Variants in STON2 observed in about 807,000 individuals in gnomAD.
STON2 encodes the protein stonin-2.
Under a neutral mutation model 65.7 loss-of-function variants are expected in STON2, and 29 were observed. The observed-to-expected ratio is 0.44, with a 90% CI of 0.33 to 0.60. The LOEUF (loss-of-function observed/expected upper bound fraction) is 0.60. STON2 is among the 20% of genes least tolerant of loss of function. STON2 has a pLI of 0.03. For synonymous variants in STON2, 404 were observed against 414.2 expected, an observed-to-expected ratio of 0.98 and a Z score of 0.30; for missense variants, 1,054 against 1,118.1, an observed-to-expected ratio of 0.94 and a Z score of 0.82.
At chr14:81,338,906 C>T (rs912970928) in intron 4 of STON2, among the ~76,000 whole-genome samples, 3 of 152,166 alleles carry the variant, frequency 2.0e-5, no homozygotes, top group Non-Finnish European at 2.9e-5. Context: ...CCTGGAGGTG[C>T]TGGCAATTGA....
At chr14:81,276,472 T>A (rs139507283) in intron 6 of STON2, among the ~76,000 whole-genome samples, 53 of 152,278 alleles carry the variant, frequency 3.5e-4, no homozygotes, top group African/African-American at 1.2e-3. Flanking sequence ...AACCTCTCAG[T>A]GTATTGTCCA....
chr14:81,270,989 C>G, intron 6 of STON2, 117 bp from the exon 7 acceptor site: 1 of 1,371,296 alleles, frequency 7.3e-7, no homozygotes, highest in Non-Finnish European at 9.6e-7. Context: ...GGCAGCCTTT[C>G]AGAGGGTCCA....
upstream of STON2, among the ~76,000 whole-genome samples, chr14:81,404,129 A>T (rs1456118571): frequency 6.6e-6 from 1 of 152,220 alleles, no homozygotes; most frequent in Non-Finnish European, 1.5e-5. Flanking sequence ...TGTTTTAGGA[A>T]GGTTAATTTA....
intron 4 of STON2, among the ~76,000 whole-genome samples, chr14:81,329,053 G>A (rs191825278): frequency 1.3e-3 from 202 of 152,236 alleles, no homozygotes; most frequent in African/African-American, 4.6e-3. Context: ...TCCCCAGAAC[G>A]TACGAATGTG....
intron 5 of STON2, among the ~76,000 whole-genome samples, chr14:81,289,840 G>A (rs1210163088): frequency 6.6e-6 from 1 of 152,136 alleles, no homozygotes; most frequent in Non-Finnish European, 1.5e-5. Context: ...GTTGGCCAGG[G>A]TTTGTGGGAC....
At chr14:81,295,096 G>C (rs1035594653) in intron 5 of STON2, among the ~76,000 whole-genome samples, 2 of 152,134 alleles carry the variant, frequency 1.3e-5, no homozygotes, top group Non-Finnish European at 1.5e-5. Flanking sequence ...AGGCCGAGGT[G>C]GGCGGATCAC....
intron 3 of STON2, among the ~76,000 whole-genome samples, chr14:81,379,996 G>A (rs1042529759): frequency 6.6e-6 from 1 of 152,086 alleles, no homozygotes; most frequent in African/African-American, 2.4e-5. Context: ...TTGAGAAGTG[G>A]GACCTAATTA....
chr14:81,429,655 C>G (rs901522703), intron 1 of STON2, among the ~76,000 whole-genome samples: 9 of 152,144 alleles, frequency 5.9e-5, no homozygotes, highest in African/African-American at 2.2e-4. Flanking sequence ...TCATCTAGGT[C>G]GGGCATGATG....
At chr14:81,349,967 A>C (rs1897962194) in intron 4 of STON2, among the ~76,000 whole-genome samples, 2 of 152,176 alleles carry the variant, frequency 1.3e-5, no homozygotes, top group Admixed American at 1.3e-4. Context: ...TAAGTGAAAT[A>C]AGATAGGCAC....
chr14:81,330,702 T>C (rs1897180588), intron 4 of STON2, among the ~76,000 whole-genome samples: 1 of 152,194 alleles, frequency 6.6e-6, no homozygotes, highest in East Asian at 1.9e-4. Flanking sequence ...TAGCACTTAA[T>C]TGGTGGCTAA....
At chr14:81,386,060 G>A (rs974333297) in intron 3 of STON2, among the ~76,000 whole-genome samples, 1 of 152,150 alleles carries the variant, frequency 6.6e-6, no homozygotes, top group Admixed American at 6.6e-5. Flanking sequence ...GAGAGGCAGT[G>A]CAATTACAGC....
intron 3 of STON2, among the ~76,000 whole-genome samples, chr14:81,394,086 G>A (rs1480531636): frequency 6.6e-6 from 1 of 152,072 alleles, no homozygotes; most frequent in Non-Finnish European, 1.5e-5. Flanking sequence ...AGCTACTCAG[G>A]AGGCTGAGAC....
rs1894249686 is a variant in STON2 at position 81,263,681 on chromosome 14, G to A, written c.*4733C>T. ...TGTGGCCCAGGGAAGCCAAAAGATT[G>A]GACCTCCCTGACTAAGGTCTAGATA... On this transcript the variant is annotated 3_prime_UTR_variant, in exon 8 of 8. Transcript: ENST00000614646. The A allele has an allele frequency of 1.0e-6, 1 of 974,588 alleles. No individual in the cohort carries two copies. Among genetic ancestry groups the A allele is most frequent in the Non-Finnish European group, 1.2e-6 (1 of 820,370 alleles). 60.4% of individuals were successfully genotyped at this position (974,588 alleles called of 1,614,324 possible). A position where few individuals can be genotyped will look rare whatever the true frequency, so the allele number is the denominator to read the frequency against.
Position 81,320,066 on chromosome 14 carries a change from T to C in STON2, c.742+3951A>G, listed in dbSNP as rs1415739761. 2.0e-5 allele frequency among the ~76,000 whole-genome samples: 3 copies of C among 152,234 alleles called. No homozygotes were observed. The East Asian group carries it at 5.8e-4, about 29-fold the overall frequency. On this transcript the variant is annotated intron_variant, in intron 5 of 7. Coordinates refer to ENST00000614646, the MANE Select transcript of STON2 (RefSeq NM_001394390.1). ...GATCTCTGCTAGGCCCACTCAAGTG[T>C]CTGAGGTTAGCTGGCTGGTCTAGAA...
chr14:81,409,034 A>G (rs970984952), intron 2 of STON2, among the ~76,000 whole-genome samples: 1 of 152,202 alleles, frequency 6.6e-6, no homozygotes, highest in Non-Finnish European at 1.5e-5. Flanking sequence ...GTTGATGTGG[A>G]TAATTTCTTA....
At chr14:81,333,385 C>G (rs549728389) in intron 4 of STON2, 1 of 443,698 alleles carries the variant, frequency 2.3e-6, no homozygotes, top group South Asian at 3.1e-5. Flanking sequence ...CCTCAGACAG[C>G]CAGGGAGGCT....
At chr14:81,287,600 A>AT (rs1242588427) in intron 5 of STON2, among the ~76,000 whole-genome samples, 6 of 151,680 alleles carry the variant, frequency 4.0e-5, no homozygotes, top group Non-Finnish European at 5.9e-5. Flanking sequence ...CCCAGCTTTC[A>AT]TTTTTTTTGC....
chr14:81,286,426 C>CTGTT (rs1217520794), intron 5 of STON2, among the ~76,000 whole-genome samples: 4 of 152,168 alleles, frequency 2.6e-5, no homozygotes, highest in African/African-American at 4.8e-5. Flanking sequence ...TGAGGCAAGG[C>CTGTT]TGTTCACCAG....
chr14:81,402,143 C>A (rs1423025197), upstream of STON2, among the ~76,000 whole-genome samples: 1 of 152,116 alleles, frequency 6.6e-6, no homozygotes, highest in African/African-American at 2.4e-5. Flanking sequence ...AAATGAGAAG[C>A]TGTGGGAGGT....
Sources: gnomAD v4.1 joint callset for allele counts (sites outside exome capture counted in the v4.1 genomes callset) on GRCh38, gnomAD v4.1.1 for gene constraint, MANE v1.5 for transcripts, NCBI Gene and HGNC (gene_info 2026-07-23, HGNC 2026-07-21) for gene names.